RGP1: variants seen among roughly 807,000 people sequenced by gnomAD.
The protein encoded by RGP1 is RAB6A-GEF complex partner protein 2.
A neutral mutation model predicts 44.5 loss-of-function variants in RGP1; 28 were observed. The ratio of observed to expected loss-of-function variants is 0.63; its 90% CI spans 0.47 to 0.86. The LOEUF is 0.86. Ranked by LOEUF, RGP1 falls within the 40% of genes least tolerant of loss-of-function variation. The pLI is 0.00. For missense variants in RGP1, 417 were observed against 490.7 expected (o/e 0.85, Z 1.42); for synonymous variants, 212 against 196.7 (o/e 1.08, Z -0.65).
chr9:35,751,448 T>G (rs756082104), intron 6 of RGP1, 36 bp downstream of exon 6: 1 of 1,612,556 alleles, frequency 6.2e-7, no homozygotes, highest in Non-Finnish European at 8.5e-7. Flanking sequence ...ACCCCATCCT[T>G]CCCCTCATTG....
the RGP1 span, among the ~76,000 whole-genome samples, chr9:35,789,329 CTTTTTTTT>C: frequency 1.9e-3 from 256 of 137,670 alleles, 1 homozygote; most frequent in Non-Finnish European, 2.6e-3. Flanking sequence ...CTTCCACTTC[CTTTTTTTT>C]TTTTTTTTTT....
the RGP1 span, among the ~76,000 whole-genome samples, chr9:35,783,426 G>A: frequency 1.3e-5 from 2 of 151,994 alleles, no homozygotes; most frequent in South Asian, 4.1e-4. Context: ...TACTCCTCCT[G>A]TCTATCTGTA....
chr9:35,779,894 C>G, the RGP1 span, among the ~76,000 whole-genome samples: 2 of 151,744 alleles, frequency 1.3e-5, no homozygotes, highest in Non-Finnish European at 1.5e-5. Context: ...TGCCACCACA[C>G]TCGGCTAATT....
intron 8 of RGP1, 94 bp downstream of exon 8, chr9:35,752,239 TC>T: frequency 8.1e-7 from 1 of 1,229,170 alleles, no homozygotes; most frequent in Non-Finnish European, 1.1e-6. Flanking sequence ...TTATACACAC[TC>T]CCAGACATAC....
chr9:35,784,210 A>G, the RGP1 span, among the ~76,000 whole-genome samples: 3 of 152,074 alleles, frequency 2.0e-5, no homozygotes, highest in East Asian at 5.8e-4. Context: ...GTTTGCAAAT[A>G]TTGTCTTCCA....
the RGP1 span, among the ~76,000 whole-genome samples, chr9:35,789,126 T>C: frequency 6.6e-6 from 1 of 151,044 alleles, no homozygotes; most frequent in Non-Finnish European, 1.5e-5. Flanking sequence ...CAAGCGGTTT[T>C]CCTGCCCCAG....
Position 35,750,361 on chromosome 9 carries a change from G to A in RGP1, c.235G>A (p.Val79Ile). ...AGATGTCCAGCCCGACAGCCAGACT[G>A]TCTTTCTGCCACACCGAGGTTAGAG... The part of the protein sequence containing the change: ...QPDVQPDSQT[V>I]FLPHRGERGQ... Residue 79 changes from valine (V) to isoleucine (I), a missense_variant, in exon 3 of 9, where the codon GTC becomes ATC. By Grantham distance (29) the Val-to-Ile change is conservative (BLOSUM62 3). Transcript: ENST00000378078. 3 of 1,614,010 alleles carry A rather than the reference G, an allele frequency of 1.9e-6. No homozygotes were observed. The highest frequency in any genetic ancestry group is 2.5e-6 in the Non-Finnish European group (3 of 1,179,896).
rs1208893851 is a variant in RGP1 at position 35,749,621 on chromosome 9, TCCCTCGGGCACCACGGTGCTGACCAC to T, written c.-19-111_-19-86del. 7.1e-6 allele frequency: 5 copies of T among 701,378 alleles called. No individual in the cohort carries two copies. Among genetic ancestry groups the T allele is most frequent in the Non-Finnish European group, 1.0e-5 (4 of 383,792 alleles). 43.4% of individuals were successfully genotyped at this position (701,378 alleles called of 1,614,324 possible). A position where few individuals can be genotyped will look rare whatever the true frequency, so the allele number is the denominator to read the frequency against. On this transcript the variant is annotated intron_variant, in intron 1 of 8. Transcript: ENST00000378078. This position sits in a 1 kb window ranked among gnomAD's most constrained non-coding sequence, Gnocchi z 4.4. ...GCCTACCCCTCCTATATCCAGGAGC[TCCCTCGGGCACCACGGTGCTGACCAC>T]CCCTGTCCTCAGCCCTCAGCCCTAG...
chr9:35,759,893 A>G (rs1318668300), downstream of RGP1, among the ~76,000 whole-genome samples: 1 of 148,190 alleles, frequency 6.7e-6, no homozygotes, highest in African/African-American at 2.5e-5. Flanking sequence ...AGCTATTTCT[A>G]CACAGTTCCT....
the RGP1 span, among the ~76,000 whole-genome samples, chr9:35,776,244 T>C: frequency 1.4e-3 from 218 of 152,236 alleles, no homozygotes; most frequent in Non-Finnish European, 2.1e-3. Context: ...TTTGCAGTCA[T>C]ATAGATCATG....
the RGP1 span, among the ~76,000 whole-genome samples, chr9:35,778,022 A>G: frequency 9.3e-4 from 142 of 152,320 alleles, no homozygotes; most frequent in African/African-American, 3.1e-3. Flanking sequence ...AAAATGGGCC[A>G]GGCGCGGTGG....
At chr9:35,788,960 C>T in the RGP1 span, among the ~76,000 whole-genome samples, 1 of 152,104 alleles carries the variant, frequency 6.6e-6, no homozygotes, top group Non-Finnish European at 1.5e-5. Flanking sequence ...TATCTCCCCA[C>T]TCCTTCCCAC....
chr9:35,774,644 A>G, the RGP1 span, among the ~76,000 whole-genome samples: 1 of 152,118 alleles, frequency 6.6e-6, no homozygotes, highest in Non-Finnish European at 1.5e-5. Context: ...GAGTGGCGTG[A>G]ACCCGGGAGG....
the RGP1 span, among the ~76,000 whole-genome samples, chr9:35,785,420 C>CTTTT: frequency 9.0e-6 from 1 of 111,272 alleles, no homozygotes; most frequent in Non-Finnish European, 2.0e-5. Flanking sequence ...AGCAGCTGGG[C>CTTTT]TTTTTTTTTT....
chr9:35,758,630 C>T (rs936264490), downstream of RGP1: 1 of 152,230 alleles, frequency 6.6e-6, no homozygotes, highest in Non-Finnish European at 1.5e-5. Context: ...TTGCACTCTC[C>T]CGTGCTGTTT....
chr9:35,775,747 T>C, the RGP1 span, among the ~76,000 whole-genome samples: 4 of 152,232 alleles, frequency 2.6e-5, no homozygotes, highest in African/African-American at 9.7e-5. Flanking sequence ...TTGAAAACCT[T>C]TACACAGTGT....
downstream of RGP1, among the ~76,000 whole-genome samples, chr9:35,760,350 G>C (rs992937202): frequency 6.6e-6 from 1 of 151,892 alleles, no homozygotes; most frequent in Admixed American, 6.6e-5. Flanking sequence ...CCTTTGTTGT[G>C]GGGGGCTGTC....
At chr9:35,772,684 A>G in the RGP1 span, among the ~76,000 whole-genome samples, 11 of 151,778 alleles carry the variant, frequency 7.2e-5, no homozygotes, top group East Asian at 1.9e-4. Context: ...CCAGCTACTC[A>G]GGAGGCTGAG....
At position 35,754,834 on chromosome 9, in the gene RGP1, C is replaced by T. The variant is rs1257073572; in HGVS notation, c.*1960C>T. The T allele has an allele frequency of 6.6e-6, 1 of 152,240 alleles. No homozygotes were observed. Among genetic ancestry groups the T allele is most frequent in the East Asian group, 1.9e-4 (1 of 5,192 alleles). The allele number at this position is 152,240 out of a possible 1,614,324, so 9.4% of individuals were successfully genotyped here. On this transcript the variant is annotated 3_prime_UTR_variant, in exon 9 of 9. Coordinates refer to ENST00000378078, the MANE Select transcript of RGP1 (RefSeq NM_001080496.3). The stretch of plus-strand genomic sequence containing the variant: ...GATGGTGGGGAGGGTCTCTTTTCCT[C>T]AGGCATTCCAGAGGTGAACTGTCCA...
Sources: allele counts gnomAD v4.1 joint callset (sites outside exome capture counted in the v4.1 genomes callset), GRCh38; gene constraint gnomAD v4.1.1; non-coding constraint Gnocchi (gnomAD v3.1); transcripts MANE v1.5; gene names NCBI Gene and HGNC (gene_info 2026-07-23, HGNC 2026-07-21).